The following VARS2 variants were observed in gnomAD, a reference collection of about 807,000 sequenced individuals.
VARS2 encodes the protein valine--tRNA ligase, mitochondrial.
VARS2 carries 105 observed loss-of-function variants against 154.1 expected under a neutral mutation model. The observed-to-expected ratio is 0.68, with a 90% confidence interval of 0.58 to 0.80. The LOEUF is 0.80. Ranked by LOEUF, VARS2 falls within the 30% of genes least tolerant of loss-of-function variation. VARS2 has a pLI of 0.00. For synonymous variants in VARS2, 483 were observed against 539.5 expected (o/e 0.90, Z 1.45); for missense variants, 1,157 against 1,361.4 (o/e 0.85, Z 2.36).
chr6:30,921,281 C>G lies in VARS2; in HGVS notation c.1608C>G (p.Tyr536Ter). The change falls in exon 17 of 30, where the codon TAC becomes TAG. Residue 536 changes from tyrosine to a stop codon, truncating the protein, a stop_gained. Transcript: ENST00000676266. LOFTEE classifies it high-confidence loss of function. This position sits in a 1 kb window ranked among gnomAD's most constrained non-coding sequence, Gnocchi z 4.6. Reference protein sequence around the residue: ...QLWWGHQIPAYLVVEDHAQGE... With the variant: ...QLWWGHQIPA Reference sequence around the variant, plus strand: ...GGTGGGGCCATCAGATTCCAGCCTACCTGGTTGTAGAGGACCATGCGCAGG... The same window carrying G: ...GGTGGGGCCATCAGATTCCAGCCTAGCTGGTTGTAGAGGACCATGCGCAGG... 2.5e-6 allele frequency: 4 copies of G among 1,614,122 alleles called. No individual in the cohort carries two copies. Among genetic ancestry groups the G allele is most frequent in the Non-Finnish European group, 3.4e-6 (4 of 1,180,012 alleles).
chr6:30,916,290 A>G lies in VARS2; in HGVS notation c.671+41A>G. The G allele has an allele frequency of 6.4e-7, 1 of 1,554,876 alleles. No homozygotes were observed. Among genetic ancestry groups the G allele is most frequent in the Non-Finnish European group, 8.7e-7 (1 of 1,144,094 alleles). ...AGGACTCGGGGGGCCCAGATGGCAG[A>G]TTTGGTTTCTTGCCTCCCACCACTA... On this transcript the variant is annotated intron_variant, in intron 7 of 29. Coordinates refer to ENST00000676266, the MANE Select transcript of VARS2 (RefSeq NM_020442.6). The surrounding 1 kb of genome is among the most constrained non-coding windows in gnomAD (Gnocchi z 4.0).
In VARS2 at chr6:30,918,907, C is replaced by T. The variant is rs753139152; in HGVS notation, c.1066C>T (p.Arg356Ter). 4 of 1,612,828 alleles carry T rather than the reference C, an allele frequency of 2.5e-6. No individual in the cohort carries two copies. The highest frequency in any genetic ancestry group is 1.7e-5 in the Admixed American group (1 of 60,020). The change falls in exon 11 of 30, where the codon CGA (arginine) becomes TGA (stop). Residue 356 changes from arginine (R) to a stop codon, truncating the protein, a stop_gained. Coordinates refer to ENST00000676266, the MANE Select transcript of VARS2 (RefSeq NM_020442.6). LOFTEE classifies it high-confidence loss of function. ...VAVAVHPDDS[R>*]YTHLHGRQLR... ...TGTGGCCGTTCATCCAGACGACTCG[C>T]GATACACAGTAATACCCAGTGCGCT...
rs754861771 is a variant in VARS2, at chr6:30,914,984, C to T, written c.148C>T (p.Arg50Cys). Reference sequence around the variant, plus strand: ...GAGGAACCGTGAAGCCAAACAGAAGCGCCTGCGAGAGAAGCAGGCGACTCT... The same window carrying T: ...GAGGAACCGTGAAGCCAAACAGAAGTGCCTGCGAGAGAAGCAGGCGACTCT... ...SRRNREAKQK[R>C]LREKQATLEA... The change falls in exon 2 of 30, where the codon CGC becomes TGC. Residue 50 changes from arginine (R) to cysteine (C), a missense_variant. By Grantham distance (180) the Arg-to-Cys change is radical. Coordinates refer to ENST00000676266, the MANE Select transcript of VARS2 (RefSeq NM_020442.6). 1.2e-6 allele frequency: 2 copies of T among 1,613,244 alleles called. No individual in the cohort carries two copies. Among genetic ancestry groups the T allele is most frequent in the Non-Finnish European group, 1.7e-6 (2 of 1,180,028 alleles).
At position 30,925,450 on chromosome 6, in the gene VARS2, A is replaced by T; in HGVS notation, c.2785+65A>T. On this transcript the variant is annotated intron_variant, in intron 27 of 29. Transcript: ENST00000676266. ...AAAGGGGGCTGGTGGGGAAAAGAGC[A>T]GAGCCTGAAGGGCCAACCCCCCCGT... 1.9e-6 allele frequency: 3 copies of T among 1,570,802 alleles called. No homozygotes were observed. The South Asian group carries it at 3.4e-5, about 18-fold the overall frequency.
intron 10 of VARS2, among the ~76,000 whole-genome samples, chr6:30,918,007 T>G (rs1265207693): frequency 6.6e-6 from 1 of 152,170 alleles, no homozygotes; most frequent in African/African-American, 2.4e-5. Flanking sequence ...GAGTGTGGTG[T>G]GATTCTTCAG....
intron 20 of VARS2, 88 bp downstream of exon 20, chr6:30,922,329 T>A: frequency 6.3e-7 from 1 of 1,594,286 alleles, no homozygotes; most frequent in South Asian, 1.1e-5. Context: ...TGTGGTCCTT[T>A]CCACGTTGCT....
chr6:30,922,545 G>C lies in VARS2; in HGVS notation c.2028G>C (p.Val676=). 1 of 1,562,110 alleles carries C rather than the reference G, an allele frequency of 6.4e-7. No individual in the cohort carries two copies. The highest frequency in any genetic ancestry group is 1.2e-5 in the South Asian group (1 of 82,490). The change falls in exon 21 of 30, where the codon GTG becomes GTC. Residue 676 remains valine (V), a synonymous_variant. Transcript: ENST00000676266. ...VLDPRDIISG[V]EMQVLQEKLR... ...ACCCAAGAGACATCATCAGTGGGGTGGAGATGCAGGTGAGGACGAAGCACC... is the reference window on the plus strand; with the variant it reads ...ACCCAAGAGACATCATCAGTGGGGTCGAGATGCAGGTGAGGACGAAGCACC...
intron 25 of VARS2, chr6:30,923,772 G>A: frequency 3.8e-6 from 2 of 530,036 alleles, no homozygotes; most frequent in Non-Finnish European, 6.6e-6. Flanking sequence ...GAAGGCAGAG[G>A]GGAATTTTTT....
In VARS2 at chr6:30,923,369, C is replaced by T. The variant is rs183132980; in HGVS notation, c.2330C>T (p.Pro777Leu). 19 of 1,611,018 alleles carry T rather than the reference C, an allele frequency of 1.2e-5. No homozygotes were observed. The highest frequency in any genetic ancestry group is 3.3e-5 in the South Asian group (3 of 91,030). The change falls in exon 25 of 30, where the codon CCG (proline) becomes CTG (leucine). Residue 777 changes from proline to leucine, a missense_variant. Transcript: ENST00000676266. The part of the protein sequence containing the change: ...QPAEELSPSS[P>L]MDAWILSRLA... The stretch of plus-strand genomic sequence containing the variant: ...TGCCTGCAGCTGTCTCCCTCCTCCC[C>T]GATGGATGCCTGGATCCTGAGCCGC...
Position 30,917,687 on chromosome 6 carries a change from G to T in VARS2, c.874-8G>T, listed in dbSNP as rs1300681153. 6.5e-7 allele frequency: 1 copy of T among 1,549,540 alleles called. No individual in the cohort carries two copies. On this transcript the variant is annotated splice_polypyrimidine_tract_variant and splice_region_variant and intron_variant, in intron 9 of 29. Coordinates refer to ENST00000676266, the MANE Select transcript of VARS2 (RefSeq NM_020442.6). The surrounding 1 kb of genome is among the most constrained non-coding windows in gnomAD (Gnocchi z 4.4). The stretch of plus-strand genomic sequence containing the variant: ...TGCCCTCTGACCCAGCTTTCTCGGT[G>T]CCTCCAGGTGGAGAACCGGCCCCTG...
intron 25 of VARS2, 59 bp from the exon 26 acceptor site, chr6:30,924,294 GC>G (rs1226109100): frequency 3.2e-6 from 5 of 1,579,380 alleles, no homozygotes; most frequent in Non-Finnish European, 4.3e-6. Context: ...GGTAGCAGTG[GC>G]TGTAGGGAGG....
intron 29 of VARS2, 33 bp downstream of exon 29, chr6:30,926,041 C>G (rs374626442): frequency 6.2e-7 from 1 of 1,613,006 alleles, no homozygotes. Context: ...GAAGGCTCCA[C>G]CCCTGAGGGA....
chr6:30,919,758 C>T lies in VARS2; in HGVS notation c.1075C>T (p.His359Tyr). 6.4e-7 allele frequency: 1 copy of T among 1,570,922 alleles called. No individual in the cohort carries two copies. The change falls in exon 12 of 30, where the codon CAT (histidine) becomes TAT (tyrosine). Residue 359 changes from histidine (H) to tyrosine (Y), a missense_variant and splice_region_variant. His to Tyr is a moderately conservative substitution (Grantham distance 83). Coordinates refer to ENST00000676266, the MANE Select transcript of VARS2 (RefSeq NM_020442.6). The surrounding 1 kb of genome is among the most constrained non-coding windows in gnomAD (Gnocchi z 4.5). The stretch of plus-strand genomic sequence containing the variant: ...CTTGATCCCTCTCCCTTCCCTTCAG[C>T]ATCTACACGGGCGACAGCTTCGTCA... The part of the protein sequence containing the change: ...AVHPDDSRYT[H>Y]LHGRQLRHPL...
At chr6:30,925,212 C>A in intron 26 of VARS2, 62 bp from the exon 27 acceptor site, 2 of 1,269,150 alleles carry the variant, frequency 1.6e-6, no homozygotes, top group Non-Finnish European at 2.2e-6. Context: ...AGAGAGCCAG[C>A]AGGGTTGGTA....
Position 30,917,022 on chromosome 6 carries a change from A to G in VARS2, c.753+63A>G. 3.1e-6 allele frequency: 5 copies of G among 1,613,444 alleles called. No individual in the cohort carries two copies. In the South Asian group the frequency reaches 3.3e-5, roughly 11 times the overall value. On this transcript the variant is annotated intron_variant, in intron 8 of 29. Transcript: ENST00000676266. The surrounding 1 kb of genome is among the most constrained non-coding windows in gnomAD (Gnocchi z 4.4). ...CGATGTTTAGGGATCTGTGTGGGGC[A>G]GGGAGGAAGCAATGCCTGGGTCCCT...
In VARS2 at chr6:30,920,985, C is replaced by T. The variant is rs1359257756; in HGVS notation, c.1480-80C>T. On this transcript the variant is annotated intron_variant, in intron 15 of 29. Coordinates refer to ENST00000676266, the MANE Select transcript of VARS2 (RefSeq NM_020442.6). This position sits in a 1 kb window ranked among gnomAD's most constrained non-coding sequence, Gnocchi z 4.6. ...GGTCCTTTCTGAGTTTTAAAATGAC[C>T]TCAGAGGCCACTCGTCCTATCTGTG... The T allele has an allele frequency of 2.3e-5, 33 of 1,436,464 alleles. No individual in the cohort carries two copies. The highest frequency in any genetic ancestry group is 2.3e-5 in the Admixed American group (1 of 42,576). The allele number at this position is 1,436,464 out of a possible 1,614,324, so 89.0% of individuals were successfully genotyped here. A position where few individuals can be genotyped will look rare whatever the true frequency, so the allele number is the denominator to read the frequency against.
Position 30,917,722 on chromosome 6 carries a change from A to G in VARS2, c.901A>G (p.Thr301Ala), listed in dbSNP as rs1256915652. 1.3e-6 allele frequency: 2 copies of G among 1,565,910 alleles called. No homozygotes were observed. The highest frequency in any genetic ancestry group is 1.4e-5 in the African/African-American group (1 of 73,898). Residue 301 changes from threonine (T) to alanine (A), a missense_variant, in exon 10 of 30, where the codon ACA (threonine) becomes GCA (alanine). Transcript: ENST00000676266. The surrounding 1 kb of genome is among the most constrained non-coding windows in gnomAD (Gnocchi z 4.4). ...GGAGAACCGGCCCCTGCCTGGCCAC[A>G]CACAGCTTCGACTGCCTGGCTGCCC... ...EVENRPLPGH[T>A]QLRLPGCPTP...
At chr6:30,915,717 TG>T in intron 4 of VARS2, 28 bp from the exon 5 acceptor site, 1 of 1,611,946 alleles carries the variant, frequency 6.2e-7, no homozygotes. Flanking sequence ...AATTCTCTCT[TG>T]CCCCTTTGAC....
chr6:30,919,724 G>A lies in VARS2; in HGVS notation c.1075-34G>A, dbSNP rs777630230. ...GCCCAGACCCTTCCAACCCTCACAG[G>A]TGCCTGTCCTTGATCCCTCTCCCTT... On this transcript the variant is annotated intron_variant, in intron 11 of 29. Coordinates refer to ENST00000676266, the MANE Select transcript of VARS2 (RefSeq NM_020442.6). This position sits in a 1 kb window ranked among gnomAD's most constrained non-coding sequence, Gnocchi z 4.5. 6.6e-7 allele frequency: 1 copy of A among 1,505,272 alleles called. No individual in the cohort carries two copies. The highest frequency in any genetic ancestry group is 1.3e-5 in the South Asian group (1 of 75,516). The allele number at this position is 1,505,272 out of a possible 1,614,324, so 93.2% of individuals were successfully genotyped here. A position where few individuals can be genotyped will look rare whatever the true frequency, so the allele number is the denominator to read the frequency against.
Sources: gnomAD v4.1 joint callset for allele counts (sites outside exome capture counted in the v4.1 genomes callset) on GRCh38, gnomAD v4.1.1 for gene constraint, Gnocchi (gnomAD v3.1) non-coding constraint, MANE v1.5 for transcripts, NCBI Gene and HGNC (gene_info 2026-07-23, HGNC 2026-07-21) for gene names.